Variants in SLC14A2 observed in about 807,000 individuals in gnomAD.
SLC14A2 encodes the protein urea transporter 2.
A neutral mutation model predicts 104.6 loss-of-function variants in SLC14A2; 91 were observed. The observed-to-expected ratio is 0.87, with a 90% CI of 0.73 to 1.04. The LOEUF is 1.04. SLC14A2 is among the 50% of genes least tolerant of loss of function. The pLI is 0.00. For synonymous variants in SLC14A2, 476 were observed against 466.4 expected (o/e 1.02, Z -0.27); for missense variants, 1,189 against 1,156.0 (o/e 1.03, Z -0.41).
intron 2 of SLC14A2, among the ~76,000 whole-genome samples, chr18:45,498,950 T>C (rs750463356): frequency 2.6e-5 from 4 of 152,246 alleles, no homozygotes; most frequent in Non-Finnish European, 5.9e-5. Context: ...TCAACTTGTT[T>C]AAGCCTTTAG....
intron 1 of SLC14A2, among the ~76,000 whole-genome samples, chr18:45,299,471 TA>T (rs940038759): frequency 6.6e-6 from 1 of 152,240 alleles, no homozygotes; most frequent in African/African-American, 2.4e-5. Flanking sequence ...TTTGTTTTTT[TA>T]TTTTTTCGAG....
intron 2 of SLC14A2, chr18:45,529,867 A>C (rs2043654931): frequency 6.6e-6 from 1 of 152,132 alleles, no homozygotes; most frequent in South Asian, 2.1e-4. Flanking sequence ...TACAGCCTTC[A>C]ATTCCTCAAA....
chr18:45,471,073 A>G (rs1288109063), intron 1 of SLC14A2, among the ~76,000 whole-genome samples: 2 of 152,118 alleles, frequency 1.3e-5, no homozygotes, highest in Non-Finnish European at 2.9e-5. Context: ...TCTACTGATT[A>G]GTTAAATTTC....
At chr18:45,421,561 C>T (rs533563638) in intron 1 of SLC14A2, among the ~76,000 whole-genome samples, 12 of 152,196 alleles carry the variant, frequency 7.9e-5, no homozygotes, top group African/African-American at 2.9e-4. Flanking sequence ...TGTGTTAAGG[C>T]GATGTTTTTG....
intron 1 of SLC14A2, among the ~76,000 whole-genome samples, chr18:45,267,167 G>A (rs1159352858): frequency 6.6e-6 from 1 of 152,080 alleles, no homozygotes; most frequent in Non-Finnish European, 1.5e-5. Flanking sequence ...CCGGACACAG[G>A]CCTGTCCTGT....
At chr18:45,506,765 C>G (rs2543034) in intron 2 of SLC14A2, among the ~76,000 whole-genome samples, 62,216 of 152,108 alleles carry the variant, frequency 0.41, 14,265 homozygotes, top group South Asian at 0.56. Context: ...ATGAATTTCT[C>G]TTATGCTGAA....
At position 45,283,436 on chromosome 18, in the gene SLC14A2, A is replaced by G. The variant is rs527675325; in HGVS notation, c.-125+70245A>G. 2.8e-5 allele frequency among the ~76,000 whole-genome samples: 4 copies of G among 140,862 alleles called. No homozygotes were observed. In the South Asian group the frequency reaches 9.1e-4, roughly 32 times the overall value. The allele number at this position is 140,862 out of a possible 152,430, so 92.4% of individuals were successfully genotyped here. On this transcript the variant is annotated intron_variant, in intron 1 of 20. Transcript: ENST00000586448. ...TTCCCTCTGACTCTGAGCAGGGCAC[A>G]TGAGAGAAATTTCTGAACACGTTGA... is the stretch of plus-strand genomic sequence containing the variant.
chr18:45,565,249 C>T (rs966134469), intron 2 of SLC14A2, among the ~76,000 whole-genome samples: 4 of 151,960 alleles, frequency 2.6e-5, no homozygotes, highest in African/African-American at 7.3e-5. Flanking sequence ...TTCAGCCTCC[C>T]GAGTAGCTGA....
intron 1 of SLC14A2, among the ~76,000 whole-genome samples, chr18:45,471,308 C>G (rs1466672334): frequency 6.6e-6 from 1 of 152,062 alleles, no homozygotes; most frequent in Non-Finnish European, 1.5e-5. Context: ...TCTTGGTTTT[C>G]TTTTGTTTGT....
upstream of SLC14A2, among the ~76,000 whole-genome samples, chr18:45,210,659 A>G (rs1357597051): frequency 6.6e-6 from 1 of 152,202 alleles, no homozygotes; most frequent in Non-Finnish European, 1.5e-5. Context: ...ATCTAAGTAC[A>G]GCATCATGGA....
chr18:45,197,517 G>A, the SLC14A2 span, among the ~76,000 whole-genome samples: 1 of 152,196 alleles, frequency 6.6e-6, no homozygotes, highest in Admixed American at 6.6e-5. Flanking sequence ...AGACATCCTG[G>A]AAGAAGTTGA....
chr18:45,587,920 C>T (rs1002131815), intron 2 of SLC14A2, among the ~76,000 whole-genome samples: 14 of 152,190 alleles, frequency 9.2e-5, no homozygotes, highest in Admixed American at 6.5e-4. Flanking sequence ...CAGATGCCAC[C>T]GCTATCCCCA....
chr18:45,597,938 GGTAA>G (rs1295982457), intron 2 of SLC14A2, among the ~76,000 whole-genome samples: 1 of 152,204 alleles, frequency 6.6e-6, no homozygotes. Context: ...TGAGCCACCA[GGTAA>G]GTGACAGTCC....
chr18:45,274,390 T>C (rs1325882812), intron 1 of SLC14A2, among the ~76,000 whole-genome samples: 2 of 152,278 alleles, frequency 1.3e-5, no homozygotes, highest in African/African-American at 2.4e-5. Context: ...TTTTTGGAAG[T>C]CTTTGGGGTT....
the SLC14A2 span, among the ~76,000 whole-genome samples, chr18:45,175,694 C>CAGCG: frequency 6.6e-6 from 1 of 152,136 alleles, no homozygotes; most frequent in Non-Finnish European, 1.5e-5. Flanking sequence ...AGACGGGTTA[C>CAGCG]AACATTGTGG....
intron 2 of SLC14A2, among the ~76,000 whole-genome samples, chr18:45,544,761 TTATA>T (rs1229062144): frequency 6.6e-6 from 1 of 150,658 alleles, no homozygotes; most frequent in South Asian, 2.1e-4. Flanking sequence ...ATTCATGTGA[TTATA>T]TATATATTTA....
Position 45,641,189 on chromosome 18 carries a change from T to TACC in SLC14A2, c.992-17_992-15dup. On this transcript the variant is annotated intron_variant, in intron 7 of 19. Transcript: ENST00000255226. Reference sequence around the variant, plus strand: ...TCTGTGGCCCAGAATCAGACAGAAATACCACACCTTGTCCCATAGCCCTGT... The same window carrying TACC: ...TCTGTGGCCCAGAATCAGACAGAAATACCACCACACCTTGTCCCATAGCCCTGT... 1 of 1,612,474 alleles carries TACC rather than the reference T, an allele frequency of 6.2e-7. No homozygotes were observed. Among genetic ancestry groups the TACC allele is most frequent in the Non-Finnish European group, 8.5e-7 (1 of 1,178,804 alleles).
At chr18:45,666,107 ACT>A in intron 11 of SLC14A2, 28 bp from the exon 12 acceptor site, 1 of 1,534,298 alleles carries the variant, frequency 6.5e-7, no homozygotes, top group Non-Finnish European at 9.0e-7. Context: ...AGGTGTCCTA[ACT>A]GATGGTGCTC....
intron 1 of SLC14A2, among the ~76,000 whole-genome samples, chr18:45,298,798 A>G (rs1009162103): frequency 2.6e-5 from 4 of 152,154 alleles, no homozygotes; most frequent in African/African-American, 9.7e-5. Flanking sequence ...ACCTAATTCA[A>G]TGGGAGGAGT....
Sources: allele counts gnomAD v4.1 joint callset (sites outside exome capture counted in the v4.1 genomes callset), GRCh38; gene constraint gnomAD v4.1.1; transcripts MANE v1.5; gene names NCBI Gene and HGNC (gene_info 2026-07-23, HGNC 2026-07-21).